The following RFX7 variants were observed in gnomAD, a reference collection of about 807,000 sequenced individuals.
The protein encoded by RFX7 is regulatory factor X7.
RFX7 carries 26 observed loss-of-function variants against 111.8 expected under a neutral mutation model. The observed-to-expected ratio is 0.23, with a 90% CI of 0.17 to 0.32. RFX7 has a LOEUF of 0.32. Among genes scored for constraint, RFX7 ranks in the 10% least tolerant of loss-of-function variants. The probability of loss-of-function intolerance (pLI) is 1.00; values close to 1 mark genes in which losing one functional copy is unlikely to be tolerated. For missense variants in RFX7, 1,573 were observed against 1,772.9 expected, an observed-to-expected ratio of 0.89 and a Z score of 2.02; for synonymous variants, 624 against 624.4, an observed-to-expected ratio of 1.00 and a Z score of 0.01.
chr15:56,160,082 T>TA (rs1180739147), intron 3 of RFX7, among the ~76,000 whole-genome samples: 1 of 152,158 alleles, frequency 6.6e-6, no homozygotes, highest in Admixed American at 6.5e-5. Context: ...TAAGCAAGGT[T>TA]AAAAAAGTGG....
intron 5 of RFX7, among the ~76,000 whole-genome samples, chr15:56,106,475 T>C (rs1328385106): frequency 6.6e-6 from 1 of 152,170 alleles, no homozygotes; most frequent in Non-Finnish European, 1.5e-5. Flanking sequence ...ACAAGAACAA[T>C]ACCTAGAATA....
chr15:56,230,242 G>A (rs900579153), intron 2 of RFX7, among the ~76,000 whole-genome samples: 7 of 152,190 alleles, frequency 4.6e-5, no homozygotes, highest in South Asian at 2.1e-4. Context: ...ACTCAGTCAC[G>A]AAAGGTTGCT....
intron 2 of RFX7, among the ~76,000 whole-genome samples, chr15:56,204,526 G>C (rs1307443846): frequency 6.6e-6 from 1 of 152,200 alleles, no homozygotes; most frequent in Non-Finnish European, 1.5e-5. Flanking sequence ...CAGTGCCAGA[G>C]TATTTGTAAG....
intron 2 of RFX7, among the ~76,000 whole-genome samples, chr15:56,228,361 T>G (rs551371716): frequency 6.6e-6 from 1 of 152,140 alleles, no homozygotes; most frequent in Non-Finnish European, 1.5e-5. Flanking sequence ...AACTATGGAA[T>G]TGAACTATGG....
chr15:56,135,931 T>G (rs28895323), intron 5 of RFX7, among the ~76,000 whole-genome samples: 2 of 152,128 alleles, frequency 1.3e-5, no homozygotes, highest in African/African-American at 4.8e-5. Flanking sequence ...GTTGTAGATA[T>G]GCGGCATTAT....
Position 56,093,305 on chromosome 15 carries a change from T to C in RFX7, c.*40A>G, listed in dbSNP as rs1449541641. On this transcript the variant is annotated 3_prime_UTR_variant, in exon 10 of 10. Transcript: ENST00000559447. ...TCCATTAAGACAAATACAATACATA[T>C]GTCTTTAGATACAGTGTGCTACATG... 3 of 1,500,980 alleles carry C rather than the reference T, an allele frequency of 2.0e-6. No homozygotes were observed. The highest frequency in any genetic ancestry group is 2.7e-6 in the Non-Finnish European group (3 of 1,110,852). 93.0% of individuals were successfully genotyped at this position (1,500,980 alleles called of 1,614,324 possible). A position where few individuals can be genotyped will look rare whatever the true frequency, so the allele number is the denominator to read the frequency against.
At chr15:56,215,545 C>T (rs1044469723) in intron 2 of RFX7, among the ~76,000 whole-genome samples, 1 of 152,142 alleles carries the variant, frequency 6.6e-6, no homozygotes, top group Non-Finnish European at 1.5e-5. Context: ...CAGACTCAAG[C>T]TGGCTAGGAT....
At chr15:56,244,377 T>A (rs1030080814), upstream of RFX7, 1 of 152,026 alleles carries the variant, frequency 6.6e-6, no homozygotes, top group Non-Finnish European at 1.5e-5. Context: ...AAATCGCGAG[T>A]CAGGAGCTGG....
At chr15:56,174,035 T>C (rs2042874587) in intron 3 of RFX7, among the ~76,000 whole-genome samples, 1 of 152,066 alleles carries the variant, frequency 6.6e-6, no homozygotes, top group Admixed American at 6.5e-5. Flanking sequence ...CCCAGCACTT[T>C]GGGAGGCTGA....
At chr15:56,135,262 C>G (rs1166008774) in intron 5 of RFX7, among the ~76,000 whole-genome samples, 1 of 151,268 alleles carries the variant, frequency 6.6e-6, no homozygotes, top group Admixed American at 6.6e-5. Context: ...TTCTCCACAT[C>G]CTCTCCAGCA....
At chr15:56,118,648 A>T (rs1269997363) in intron 5 of RFX7, among the ~76,000 whole-genome samples, 1 of 152,174 alleles carries the variant, frequency 6.6e-6, no homozygotes, top group Non-Finnish European at 1.5e-5. Context: ...TAGTGCTGGG[A>T]TAAACATGGG....
chr15:56,241,528 C>T (rs2043689015), intron 2 of RFX7, among the ~76,000 whole-genome samples: 1 of 152,110 alleles, frequency 6.6e-6, no homozygotes, highest in Non-Finnish European at 1.5e-5. Flanking sequence ...AACCAAGGTG[C>T]TTAATTCAAT....
At chr15:56,199,938 G>T (rs2043177905) in intron 2 of RFX7, among the ~76,000 whole-genome samples, 1 of 152,072 alleles carries the variant, frequency 6.6e-6, no homozygotes, top group African/African-American at 2.4e-5. Context: ...CTTGTACAAG[G>T]TCACACACTG....
In RFX7 at chr15:56,096,287, T is replaced by C; in HGVS notation, c.1441A>G (p.Thr481Ala). The C allele has an allele frequency of 6.2e-7, 1 of 1,613,896 alleles. No individual in the cohort carries two copies. Among genetic ancestry groups the C allele is most frequent in the Non-Finnish European group, 8.5e-7 (1 of 1,179,868 alleles). ...AGAGGGGTGTTACTGTTGCTGGGTGTGAGGGATATTGTTGTCATTTTCACC... is the reference window on the plus strand; with the variant it reads ...AGAGGGGTGTTACTGTTGCTGGGTGCGAGGGATATTGTTGTCATTTTCACC... ...NVVKMTTISL[T>A]PSNSNTPLKH... The change falls in exon 10 of 10, where the codon ACA (threonine) becomes GCA (alanine). Residue 481 changes from threonine (T) to alanine (A), a missense_variant. Transcript: ENST00000559447.
intron 2 of RFX7, 143 bp downstream of exon 2, chr15:56,242,982 C>T: frequency 4.9e-6 from 3 of 614,162 alleles, no homozygotes; most frequent in Non-Finnish European, 5.1e-6. Flanking sequence ...AGAGATCCTA[C>T]AAATGTGCAC....
At chr15:56,162,719 A>C (rs1429265334) in intron 3 of RFX7, among the ~76,000 whole-genome samples, 1 of 152,110 alleles carries the variant, frequency 6.6e-6, no homozygotes, top group Non-Finnish European at 1.5e-5. Context: ...TAATGTAAAA[A>C]AAGGAAAGAG....
At chr15:56,134,438 C>T (rs1784641140) in intron 5 of RFX7, among the ~76,000 whole-genome samples, 1 of 152,036 alleles carries the variant, frequency 6.6e-6, no homozygotes, top group South Asian at 2.1e-4. Flanking sequence ...AATACCCAGA[C>T]TCAGATATTT....
intron 2 of RFX7, among the ~76,000 whole-genome samples, chr15:56,213,178 T>C (rs1285128038): frequency 1.3e-5 from 2 of 152,212 alleles, no homozygotes; most frequent in Non-Finnish European, 2.9e-5. Context: ...ACAGTACATT[T>C]GTACATTTCT....
chr15:56,231,633 C>T (rs575314871), intron 2 of RFX7, among the ~76,000 whole-genome samples: 8 of 152,162 alleles, frequency 5.3e-5, no homozygotes, highest in South Asian at 2.1e-4. Flanking sequence ...TTCCACCCTG[C>T]CCCCCTCAAA....
Sources: allele counts gnomAD v4.1 joint callset (sites outside exome capture counted in the v4.1 genomes callset), GRCh38; gene constraint gnomAD v4.1.1; transcripts MANE v1.5; gene names NCBI Gene and HGNC (gene_info 2026-07-23, HGNC 2026-07-21).